Variants in SV2A observed in about 807,000 individuals in gnomAD.
SV2A encodes synaptic vesicle glycoprotein 2A.
Under a neutral mutation model 78.0 loss-of-function variants are expected in SV2A, and 25 were observed. The observed-to-expected ratio is 0.32, with a 90% CI of 0.23 to 0.45. SV2A has a LOEUF of 0.45. Ranked by LOEUF, SV2A falls within the 20% of genes least tolerant of loss-of-function variation. The probability of loss-of-function intolerance (pLI) is 1.00; values close to 1 mark genes in which losing one functional copy is unlikely to be tolerated. For missense variants in SV2A, 752 were observed against 971.5 expected, an observed-to-expected ratio of 0.77 and a Z score of 3.00; for synonymous variants, 355 against 384.7, an observed-to-expected ratio of 0.92 and a Z score of 0.90.
intron 2 of SV2A, 126 bp downstream of exon 2, chr1:149,913,093 G>T: frequency 7.9e-7 from 1 of 1,257,930 alleles, no homozygotes; most frequent in Non-Finnish European, 1.1e-6. Context: ...GAGGAACCCT[G>T]AGCCCTCTGG....
Position 149,914,067 on chromosome 1 carries a change from T to G in SV2A, c.-227A>C. 3 of 520,496 alleles carry G rather than the reference T, an allele frequency of 5.8e-6. No individual in the cohort carries two copies. Among genetic ancestry groups the G allele is most frequent in the Non-Finnish European group, 6.3e-6 (2 of 317,774 alleles). 32.2% of individuals were successfully genotyped at this position (520,496 alleles called of 1,614,324 possible). Reference sequence around the variant, plus strand: ...TTGACCTATACCCAGTTCAGTTGGGTGGATGGGGAAGGGACAGGGGGAGCA... The same window carrying G: ...TTGACCTATACCCAGTTCAGTTGGGGGGATGGGGAAGGGACAGGGGGAGCA... On this transcript the variant is annotated 5_prime_UTR_variant, in exon 2 of 13. Transcript: ENST00000369146.
In SV2A at chr1:149,906,150, C is replaced by T. The variant is rs371272000; in HGVS notation, c.1886-111G>A. 6.0e-4 allele frequency: 789 copies of T among 1,318,774 alleles called. 4 individuals are homozygous for T. The South Asian group carries it at 7.2e-3, about 12-fold the overall frequency. The allele number at this position is 1,318,774 out of a possible 1,614,324, so 81.7% of individuals were successfully genotyped here. A position where few individuals can be genotyped will look rare whatever the true frequency, so the allele number is the denominator to read the frequency against. ...AGATAGCCCAGGATGAGACTTGTTC[C>T]GAAGGTATCCAACCAAGGTATCCAA... On this transcript the variant is annotated intron_variant, in intron 11 of 12. Transcript: ENST00000369146.
In SV2A at chr1:149,905,108, T is replaced by A. The variant is rs377559233; in HGVS notation, c.2135A>T (p.Lys712Met). Reference sequence around the variant, plus strand: ...TGAGGCAAAGAGGATGGGTGCAGCCTTGGTGATTCCCACGAAGGATGTGAA... The same window carrying A: ...TGAGGCAAAGAGGATGGGTGCAGCCATGGTGATTCCCACGAAGGATGTGAA... ...SIFTSFVGIT[K>M]AAPILFASAA... Residue 712 changes from lysine to methionine, a missense_variant, in exon 13 of 13, where the codon AAG becomes ATG. Lys to Met is a moderately conservative substitution (Grantham distance 95). Transcript: ENST00000369146. 13 of 1,613,132 alleles carry A rather than the reference T, an allele frequency of 8.1e-6. No homozygotes were observed. Among genetic ancestry groups the A allele is most frequent in the Non-Finnish European group, 1.1e-5 (13 of 1,179,690 alleles).
In SV2A at chr1:149,909,937, AC is replaced by A. The variant is rs782819190; in HGVS notation, c.1090-48del. 1.9e-6 allele frequency: 3 copies of A among 1,585,240 alleles called. No homozygotes were observed. In the South Asian group the frequency reaches 3.4e-5, roughly 18 times the overall value. On this transcript the variant is annotated intron_variant, in intron 5 of 12. Transcript: ENST00000369146. ...CCACATCCAAGTCAGCCCCTACCTG[AC>A]CCAGAGTTATAGACCCCCTCCCTCC...
rs782545404 is a variant in SV2A at position 149,910,663 on chromosome 1, G to A, written c.996C>T (p.Ser332=). Residue 332 remains serine, a synonymous_variant, in exon 5 of 13, where the codon AGC becomes AGT. Transcript: ENST00000369146. The surrounding 1 kb of genome is among the most constrained non-coding windows in gnomAD (Gnocchi z 4.2). ...CGCAGACGAGGACGAAGACCCTCCA[G>A]CTGTGGAACTGGTAGGCAGAACCCA... ...FQMGSAYQFH[S]WRVFVLVCAF... 2 of 1,614,070 alleles carry A rather than the reference G, an allele frequency of 1.2e-6. No homozygotes were observed. Among genetic ancestry groups the A allele is most frequent in the Non-Finnish European group, 1.7e-6 (2 of 1,179,966 alleles).
At position 149,910,769 on chromosome 1, in the gene SV2A, C is replaced by T; in HGVS notation, c.955+57G>A. 3 of 1,611,730 alleles carry T rather than the reference C, an allele frequency of 1.9e-6. No individual in the cohort carries two copies. Among genetic ancestry groups the T allele is most frequent in the Middle Eastern group, 1.7e-4 (1 of 6,052 alleles). On this transcript the variant is annotated intron_variant, in intron 4 of 12. Transcript: ENST00000369146. This position sits in a 1 kb window ranked among gnomAD's most constrained non-coding sequence, Gnocchi z 4.2. ...GGCTGGGGGAACCCACCACAGGGAG[C>T]ACAGAAGAAGAGGGAGGAGGGAGAT...
Position 149,909,903 on chromosome 1 carries a change from A to G in SV2A, c.1090-13T>C, listed in dbSNP as rs372328650. On this transcript the variant is annotated splice_polypyrimidine_tract_variant and intron_variant, in intron 5 of 12. Coordinates refer to ENST00000369146, the MANE Select transcript of SV2A (RefSeq NM_014849.5). The stretch of plus-strand genomic sequence containing the variant: ...CATGCTTTCCATTCTAGAGCCAAAG[A>G]CACAATCCCCACATCCAAGTCAGCC... 3.1e-6 allele frequency: 5 copies of G among 1,613,624 alleles called. No homozygotes were observed. Among genetic ancestry groups the G allele is most frequent in the Non-Finnish European group, 4.2e-6 (5 of 1,179,716 alleles).
chr1:149,909,144 C>A (rs368576313), intron 8 of SV2A, 48 bp downstream of exon 8: 124 of 1,582,852 alleles, frequency 7.8e-5, no homozygotes, highest in Non-Finnish European at 1.5e-5. Flanking sequence ...TCCCAGCCCA[C>A]ACACCACCAC....
rs1553763101 is a variant in SV2A, at chr1:149,908,225, T to C, written c.1380-19A>G. ...ATAGTAGCTGAAGAGTCAAGGACAA[T>C]GGAAACAGACAACAGGGCTTCAGAC... On this transcript the variant is annotated intron_variant, in intron 8 of 12. Transcript: ENST00000369146. 1.9e-6 allele frequency: 3 copies of C among 1,602,838 alleles called. No individual in the cohort carries two copies. Among genetic ancestry groups the C allele is most frequent in the Admixed American group, 3.4e-5 (2 of 59,122 alleles).
Position 149,907,730 on chromosome 1 carries a change from T to A in SV2A, c.1648A>T (p.Thr550Ser). 6.2e-7 allele frequency: 1 copy of A among 1,614,154 alleles called. No individual in the cohort carries two copies. The highest frequency in any genetic ancestry group is 1.1e-5 in the South Asian group (1 of 91,076). ...TTATAGAACACAGTGTTGATGAATGTGCAGTTGCGGAAAAACGTGTTGCTG... is the reference window on the plus strand; with the variant it reads ...TTATAGAACACAGTGTTGATGAATGAGCAGTTGCGGAAAAACGTGTTGCTG... Reference protein sequence around the residue: ...TSSNTFFRNCTFINTVFYNTD... With the variant: ...TSSNTFFRNCSFINTVFYNTD... Residue 550 changes from threonine to serine, a missense_variant, in exon 10 of 13, where the codon ACA becomes TCA. Around this residue, in one of 7 missense-constraint regions of SV2A, gnomAD observed 186 missense variants for 274.6 expected, o/e 0.68. Coordinates refer to ENST00000369146, the MANE Select transcript of SV2A (RefSeq NM_014849.5).
chr1:149,911,074 C>G, intron 3 of SV2A, 97 bp from the exon 4 acceptor site: 2 of 1,463,868 alleles, frequency 1.4e-6, no homozygotes, highest in Non-Finnish European at 1.8e-6. Context: ...GTCTTCCAGG[C>G]TTTTGAAGAG....
At chr1:149,908,005 A>C (rs985587893) in intron 9 of SV2A, 37 bp downstream of exon 9, 3 of 1,606,164 alleles carry the variant, frequency 1.9e-6, no homozygotes, top group South Asian at 2.2e-5. Context: ...AGGTAGAAGG[A>C]ACAGGGAAGA....
Position 149,908,131 on chromosome 1 carries a change from T to C in SV2A, c.1455A>G (p.Lys485=). The C allele has an allele frequency of 6.2e-7, 1 of 1,614,122 alleles. No individual in the cohort carries two copies. The highest frequency in any genetic ancestry group is 1.1e-5 in the South Asian group (1 of 91,076). ...LQAVDYASRT[K]VFPGERVEHV... ...GCTCTACGCGCTCCCCGGGGAACAC[T>C]TTGGTGCGGGATGCGTAGTCCACTG... The change falls in exon 9 of 13, where the codon AAA becomes AAG. Residue 485 remains lysine (K), a synonymous_variant. Coordinates refer to ENST00000369146, the MANE Select transcript of SV2A (RefSeq NM_014849.5).
chr1:149,908,743 T>C lies in SV2A; in HGVS notation c.1379+449A>G, dbSNP rs587725888. ...ACCTCTGCCTCCCGGATTCACACCA[T>C]TCTCCTGCCTCAGCCTCCAGAGTAG... is the stretch of plus-strand genomic sequence containing the variant. On this transcript the variant is annotated intron_variant, in intron 8 of 12. Transcript: ENST00000369146. Among the ~76,000 whole-genome samples, 251 of 152,280 alleles carry C rather than the reference T, an allele frequency of 1.6e-3. 1 individual carries two copies. Among genetic ancestry groups the C allele is most frequent in the African/African-American group, 5.9e-3 (246 of 41,572 alleles).
In SV2A at chr1:149,916,456, G is replaced by A. The variant is rs587721410; in HGVS notation, c.-348+1283C>T. ...TGAGACAAGACTTGGAGAGGTGGAG[G>A]TTAAAGGAGACAAGGTTCAGGGTTA... On this transcript the variant is annotated intron_variant, in intron 1 of 12. Transcript: ENST00000369146. Among the ~76,000 whole-genome samples, 101 of 152,376 alleles carry A rather than the reference G, an allele frequency of 6.6e-4. 1 individual carries two copies. The highest frequency in any genetic ancestry group is 1.2e-4 in the Non-Finnish European group (8 of 68,038).
intron 2 of SV2A, among the ~76,000 whole-genome samples, chr1:149,912,361 C>T (rs1209965947): frequency 2.6e-5 from 4 of 152,110 alleles, no homozygotes; most frequent in African/African-American, 7.2e-5. Context: ...TCCCTCAAAG[C>T]AGCAGGAGAG....
Position 149,914,156 on chromosome 1 carries a change from C to G in SV2A, c.-316G>C, listed in dbSNP as rs1012599403. ...TAAGCCAGGATAACTCAGGAAGGGT[C>G]GCCTGCTTCTCTTCCACAAGCCTCT... is the stretch of plus-strand genomic sequence containing the variant. On this transcript the variant is annotated 5_prime_UTR_variant, in exon 2 of 13. Coordinates refer to ENST00000369146, the MANE Select transcript of SV2A (RefSeq NM_014849.5). 3.6e-6 allele frequency: 1 copy of G among 278,760 alleles called. No individual in the cohort carries two copies. The highest frequency in any genetic ancestry group is 8.7e-5 in the South Asian group (1 of 11,536). 17.3% of individuals were successfully genotyped at this position (278,760 alleles called of 1,614,324 possible). A position where few individuals can be genotyped will look rare whatever the true frequency, so the allele number is the denominator to read the frequency against.
At chr1:149,906,417 C>G (rs2092438519) in intron 11 of SV2A, among the ~76,000 whole-genome samples, 1 of 152,128 alleles carries the variant, frequency 6.6e-6, no homozygotes, top group Non-Finnish European at 1.5e-5. Flanking sequence ...AGATTCAAAA[C>G]CCATAACCTC....
Position 149,909,808 on chromosome 1 carries a change from A to G in SV2A, c.1172T>C (p.Val391Ala), listed in dbSNP as rs2092463890. The change falls in exon 6 of 13, where the codon GTG becomes GCG. Residue 391 changes from valine to alanine, a missense_variant. This residue lies in a region of SV2A where 136 missense variants were observed against 132.3 expected (regional missense o/e 1.03). Transcript: ENST00000369146. ...GGGAGGGCTGTGGCTTACTGAGAAC[A>G]CTCGCTCAGGATGTCCTTTGGCTCG... ...NMRAKGHPER[V>A]FSVTHIKTIH... The G allele has an allele frequency of 6.2e-7, 1 of 1,613,308 alleles. No homozygotes were observed. Among genetic ancestry groups the G allele is most frequent in the African/African-American group, 1.3e-5 (1 of 74,686 alleles).
Sources: allele counts gnomAD v4.1 joint callset (sites outside exome capture counted in the v4.1 genomes callset), GRCh38; gene constraint gnomAD v4.1.1; regional missense constraint gnomAD v4.1.1; non-coding constraint Gnocchi (gnomAD v3.1); transcripts MANE v1.5; gene names NCBI Gene and HGNC (gene_info 2026-07-23, HGNC 2026-07-21).